QTGAL: variants seen among roughly 807,000 people sequenced by gnomAD.
QTGAL encodes the protein queuosine-tRNA galactosyltransferase, also known as BGnT-like protein 1.
the QTGAL span, among the ~76,000 whole-genome samples, chr17:82,959,725 A>G: frequency 1.5e-4 from 23 of 151,816 alleles, no homozygotes; most frequent in African/African-American, 4.8e-4. Context: ...CGTGGGTGGC[A>G]CGCGAGGTTT....
At chr17:82,950,681 C>T in the QTGAL span, among the ~76,000 whole-genome samples, 1 of 152,184 alleles carries the variant, frequency 6.6e-6, no homozygotes, top group Non-Finnish European at 1.5e-5. Context: ...TGGAATGACT[C>T]CTGGACCCAC....
At chr17:83,012,212 T>C in the QTGAL span, among the ~76,000 whole-genome samples, 2 of 43,344 alleles carry the variant, frequency 4.6e-5, no homozygotes, top group African/African-American at 2.1e-4. Context: ...CCCAGCTCGT[T>C]TGAACACACG....
chr17:83,002,907 GCCCGCCCT>G, the QTGAL span, among the ~76,000 whole-genome samples: 13 of 28,586 alleles, frequency 4.5e-4, no homozygotes, highest in Admixed American at 2.1e-3. Flanking sequence ...GGATTCCTGA[GCCCGCCCT>G]CCCGCCCTCC....
the QTGAL span, among the ~76,000 whole-genome samples, chr17:83,014,084 C>T: frequency 3.9e-5 from 6 of 152,078 alleles, no homozygotes; most frequent in South Asian, 2.1e-4. Flanking sequence ...ACTGAGAAGC[C>T]GTTCTAAAGA....
the QTGAL span, among the ~76,000 whole-genome samples, chr17:82,997,945 A>C: frequency 2.0e-5 from 3 of 148,066 alleles, no homozygotes; most frequent in African/African-American, 5.0e-5. Flanking sequence ...ATATATATAT[A>C]TATCTATATC....
At chr17:83,049,946 A>G in the QTGAL span, among the ~76,000 whole-genome samples, 1 of 152,216 alleles carries the variant, frequency 6.6e-6, no homozygotes, top group Non-Finnish European at 1.5e-5. Context: ...TACTTAAGAG[A>G]TTAGTCTGTC....
chr17:82,942,288 C>A, the QTGAL span: 1 of 988,518 alleles, frequency 1.0e-6, no homozygotes, highest in Non-Finnish European at 1.5e-6. Flanking sequence ...CACCTGTCAG[C>A]CACATAGCTC....
At chr17:83,002,887 TCCGCGTGTGGGATTCCTGAG>T in the QTGAL span, among the ~76,000 whole-genome samples, 355 of 58,122 alleles carry the variant, frequency 6.1e-3, 3 homozygotes, top group African/African-American at 0.016. Flanking sequence ...GAGCCCGCCC[TCCGCGTGTGGGATTCCTGAG>T]CCCGCCCTCC....
the QTGAL span, among the ~76,000 whole-genome samples, chr17:82,960,022 A>C: frequency 1.3e-5 from 2 of 152,220 alleles, no homozygotes; most frequent in African/African-American, 4.8e-5. Context: ...CCAAAAGCAC[A>C]AGACAGCATT....
At chr17:82,989,888 AGTAT>A in the QTGAL span, among the ~76,000 whole-genome samples, 1 of 152,246 alleles carries the variant, frequency 6.6e-6, no homozygotes, top group Non-Finnish European at 1.5e-5. Flanking sequence ...ATACCACAGG[AGTAT>A]ATTACGGGCA....
At chr17:83,001,509 G>C in the QTGAL span, among the ~76,000 whole-genome samples, 1 of 150,090 alleles carries the variant, frequency 6.7e-6, no homozygotes, top group African/African-American at 2.5e-5. Flanking sequence ...GGAACACTTC[G>C]GCATCCTTCA....
the QTGAL span, among the ~76,000 whole-genome samples, chr17:82,968,780 A>T: frequency 6.6e-6 from 1 of 152,082 alleles, no homozygotes; most frequent in African/African-American, 2.4e-5. Flanking sequence ...CGGGCGGATC[A>T]CTTGAGGTCG....
At chr17:83,008,408 G>A in the QTGAL span, among the ~76,000 whole-genome samples, 1 of 152,216 alleles carries the variant, frequency 6.6e-6, no homozygotes, top group Non-Finnish European at 1.5e-5. Context: ...GGGACCACCA[G>A]GATCTGGCAA....
chr17:82,963,126 C>T, the QTGAL span, among the ~76,000 whole-genome samples: 2 of 152,204 alleles, frequency 1.3e-5, no homozygotes, highest in African/African-American at 4.8e-5. Context: ...CCCCAATCTG[C>T]TCACAGAACC....
the QTGAL span, among the ~76,000 whole-genome samples, chr17:82,971,491 G>T: frequency 1.3e-5 from 2 of 152,052 alleles, no homozygotes; most frequent in African/African-American, 4.8e-5. Context: ...TCCTCCCTGG[G>T]GCCTCCGAGT....
At chr17:83,046,901 G>A in the QTGAL span, among the ~76,000 whole-genome samples, 12 of 152,328 alleles carry the variant, frequency 7.9e-5, no homozygotes, top group Non-Finnish European at 1.0e-4. Flanking sequence ...AAAAAGGAAC[G>A]GAGCACGATA....
the QTGAL span, chr17:83,005,499 T>C: frequency 2.9e-6 from 2 of 681,514 alleles, no homozygotes; most frequent in African/African-American, 3.5e-5. This position sits in a 1 kb window ranked among gnomAD's most constrained non-coding sequence, Gnocchi z 5.6. Flanking sequence ...TGAGAATATG[T>C]CACAGATGAC....
chr17:82,970,873 G>A, the QTGAL span, among the ~76,000 whole-genome samples: 4 of 152,234 alleles, frequency 2.6e-5, no homozygotes, highest in Non-Finnish European at 5.9e-5. Flanking sequence ...GTCCAAGACC[G>A]GGCAGCTGCC....
At chr17:82,942,466 C>T in the QTGAL span, 19 of 1,613,962 alleles carry the variant, frequency 1.2e-5, no homozygotes, top group Non-Finnish European at 1.6e-5. Flanking sequence ...CCTGCTGAAG[C>T]CAGTCCTGGA....
Sources: gnomAD v4.1 joint callset for allele counts (sites outside exome capture counted in the v4.1 genomes callset) on GRCh38, gnomAD v4.1.1 for gene constraint, Gnocchi (gnomAD v3.1) non-coding constraint, MANE v1.5 for transcripts, NCBI Gene and HGNC (gene_info 2026-07-23, HGNC 2026-07-21) for gene names.